The following MSANTD1 variants were observed in gnomAD, a reference collection of about 807,000 sequenced individuals.
MSANTD1 encodes the protein myb/SANT-like DNA-binding domain-containing protein 1.
MSANTD1 carries 7 observed loss-of-function variants against 24.2 expected under a neutral mutation model. That is an observed-to-expected ratio of 0.29 (90% CI 0.16 to 0.54). The LOEUF (loss-of-function observed/expected upper bound fraction) is 0.54. Among genes scored for constraint, MSANTD1 ranks in the 20% least tolerant of loss-of-function variants. The pLI, the probability that MSANTD1 is intolerant of heterozygous loss-of-function variation, is 0.94. For synonymous variants in MSANTD1, 177 were observed against 181.1 expected (o/e 0.98, Z 0.18); for missense variants, 384 against 408.2 (o/e 0.94, Z 0.51).
chr4:3,245,622 G>A (rs362294), upstream of MSANTD1, among the ~76,000 whole-genome samples: 4,054 of 152,346 alleles, frequency 0.027, 176 homozygotes, highest in African/African-American at 0.085. Flanking sequence ...CACCGTGACA[G>A]TGTCTGTGGG....
At chr4:3,246,624 A>C, upstream of MSANTD1, 4 of 692,522 alleles carry the variant, frequency 5.8e-6, no homozygotes, top group Non-Finnish European at 1.1e-5. Flanking sequence ...GCCCTAGGAG[A>C]CCCCGTAGCG....
At chr4:3,246,614 G>A, upstream of MSANTD1, 1 of 689,410 alleles carries the variant, frequency 1.5e-6, no homozygotes, top group East Asian at 2.8e-5. Context: ...CCAGCCTCTG[G>A]CCCTAGGAGA....
At chr4:3,248,008 G>A (rs1722083985), upstream of MSANTD1, 1 of 152,354 alleles carries the variant, frequency 6.6e-6, no homozygotes, top group East Asian at 1.9e-4. Flanking sequence ...CAGGCCTGAG[G>A]AGGGCAGGGG....
chr4:3,248,827 C>A, upstream of MSANTD1: 1 of 175,306 alleles, frequency 5.7e-6, no homozygotes, highest in Non-Finnish European at 1.2e-5. Context: ...CCTCGTCGCT[C>A]GTCCTCTCTG....
At chr4:3,246,765 C>G (rs552608588), upstream of MSANTD1, 1 of 636,444 alleles carries the variant, frequency 1.6e-6, no homozygotes, top group African/African-American at 1.8e-5. Context: ...CTGCCTGGTT[C>G]TTGTCCTCAC....
chr4:3,253,706 G>A (rs983472969), intron 2 of MSANTD1, among the ~76,000 whole-genome samples: 6 of 152,188 alleles, frequency 3.9e-5, no homozygotes, highest in African/African-American at 1.2e-4. Flanking sequence ...TGAGCTGCAC[G>A]GAAAGTTCCT....
upstream of MSANTD1, chr4:3,248,142 T>C (rs1348625456): frequency 6.6e-6 from 1 of 152,302 alleles, no homozygotes; most frequent in Non-Finnish European, 1.5e-5. Context: ...GTGTTACGTT[T>C]CGGGTGCCGA....
At chr4:3,249,614 T>G (rs943555096) in intron 1 of MSANTD1, 72 bp downstream of exon 1, 4 of 1,425,518 alleles carry the variant, frequency 2.8e-6, no homozygotes, top group Non-Finnish European at 3.8e-6. Flanking sequence ...CCTGACTTTC[T>G]TGGAGCTCTG....
At position 3,255,872 on chromosome 4, in the gene MSANTD1, G is replaced by T; in HGVS notation, c.744G>T (p.Leu248=). Residue 248 remains leucine, a synonymous_variant, in exon 3 of 3, where the codon CTG becomes CTT. Transcript: ENST00000438480. ...EETCREVRRV[L]DQQHILQVQS... ...CCTGCCGCGAGGTGCGCCGCGTGCTGGACCAGCAGCACATCCTGCAGGTGC... is the reference window on the plus strand; with the variant it reads ...CCTGCCGCGAGGTGCGCCGCGTGCTTGACCAGCAGCACATCCTGCAGGTGC... 1 of 1,545,460 alleles carries T rather than the reference G, an allele frequency of 6.5e-7. No homozygotes were observed. The highest frequency in any genetic ancestry group is 8.7e-7 in the Non-Finnish European group (1 of 1,146,352).
At chr4:3,253,860 G>A (rs1722307380) in intron 2 of MSANTD1, among the ~76,000 whole-genome samples, 1 of 152,234 alleles carries the variant, frequency 6.6e-6, no homozygotes, top group South Asian at 2.1e-4. Context: ...ACCCCAGAAT[G>A]CGCCCCCTGG....
At position 3,249,269 on chromosome 4, in the gene MSANTD1, A is replaced by AC. The variant is rs1318373530; in HGVS notation, c.51dup (p.Thr18HisfsTer98). On this transcript the variant is annotated frameshift_variant, in exon 1 of 3. Transcript: ENST00000438480. LOFTEE classifies it high-confidence loss of function. ...GGGCCCTCGCTGAGCGCGCTCTCTC[A>AC]CCCCACAGGCGCCTCCGGCATGGCG... is the stretch of plus-strand genomic sequence containing the variant. 1 of 1,499,458 alleles carries AC rather than the reference A, an allele frequency of 6.7e-7. No individual in the cohort carries two copies. Among genetic ancestry groups the AC allele is most frequent in the East Asian group, 2.5e-5 (1 of 40,270 alleles). The allele number at this position is 1,499,458 out of a possible 1,614,324, so 92.9% of individuals were successfully genotyped here.
upstream of MSANTD1, chr4:3,246,483 G>A: frequency 5.9e-6 from 3 of 506,504 alleles, no homozygotes; most frequent in Non-Finnish European, 1.1e-5. Context: ...AGGGATGGAG[G>A]CCTAGGGAGC....
upstream of MSANTD1, among the ~76,000 whole-genome samples, chr4:3,247,062 C>T (rs1259974173): frequency 6.6e-6 from 1 of 152,114 alleles, no homozygotes; most frequent in African/African-American, 2.4e-5. Flanking sequence ...CAGCAGCTGC[C>T]CCTTCAGCCA....
rs1191129740 is a variant in MSANTD1, at chr4:3,255,736, G to A, written c.608G>A (p.Arg203Gln). The change falls in exon 3 of 3, where the codon CGG (arginine) becomes CAG (glutamine). Residue 203 changes from arginine to glutamine, a missense_variant. Arg to Gln is a conservative substitution (Grantham distance 43, BLOSUM62 1). Transcript: ENST00000438480. ...CACTGTCCTTCCAGGTCGGAGGAGC[G>A]GCCGGTGAAGAAGCGCAAGGTGCAG... ...LLSLKFRSEE[R>Q]PVKKRKVQSC... 36 of 1,541,390 alleles carry A rather than the reference G, an allele frequency of 2.3e-5. 1 individual carries two copies. The highest frequency in any genetic ancestry group is 2.7e-5 in the Non-Finnish European group (31 of 1,143,576).
chr4:3,252,099 G>A lies in MSANTD1; in HGVS notation c.321-1108G>A, dbSNP rs144098099. Reference sequence around the variant, plus strand: ...GTAGGAGAGAGGAGACACCCACTCCGAGCACAGGTTGGGTTTGGAGCCCGG... The same window carrying A: ...GTAGGAGAGAGGAGACACCCACTCCAAGCACAGGTTGGGTTTGGAGCCCGG... On this transcript the variant is annotated intron_variant, in intron 1 of 2. Transcript: ENST00000438480. Among the ~76,000 whole-genome samples the A allele has an allele frequency of 1.4e-3, 214 of 152,360 alleles. 1 individual carries two copies. The highest frequency in any genetic ancestry group is 5.0e-3 in the African/African-American group (206 of 41,586).
rs973041298 is a variant in MSANTD1, at chr4:3,256,047, G to C, written c.*82G>C. ...CCAGGGCAGGCCACTCAGGCCAGGC[G>C]GGCAAGGGGGCCGCCCCGCGAGCGG... is the stretch of plus-strand genomic sequence containing the variant. On this transcript the variant is annotated 3_prime_UTR_variant, in exon 3 of 3. Coordinates refer to ENST00000438480, the MANE Select transcript of MSANTD1 (RefSeq NM_001042690.2). 7.2e-7 allele frequency: 1 copy of C among 1,394,096 alleles called. No individual in the cohort carries two copies. The highest frequency in any genetic ancestry group is 2.8e-5 in the East Asian group (1 of 35,710). The allele number at this position is 1,394,096 out of a possible 1,614,324, so 86.4% of individuals were successfully genotyped here.
chr4:3,246,445 C>G (rs919720828), upstream of MSANTD1: 2 of 432,086 alleles, frequency 4.6e-6, no homozygotes, highest in African/African-American at 4.1e-5. Context: ...GGATGAGAGT[C>G]TAGTTGGGCC....
At chr4:3,253,125 G>C (rs1006405189) in intron 1 of MSANTD1, 82 bp from the exon 2 acceptor site, 3 of 1,374,998 alleles carry the variant, frequency 2.2e-6, no homozygotes, top group Admixed American at 5.6e-5. Flanking sequence ...CCGGCGTGGC[G>C]CGCCCCTCTG....
intron 2 of MSANTD1, among the ~76,000 whole-genome samples, chr4:3,254,536 A>G (rs1009332717): frequency 2.6e-5 from 4 of 152,134 alleles, no homozygotes; most frequent in African/African-American, 9.7e-5. Flanking sequence ...CACGCCCCTG[A>G]GGTTGGCTGT....
Sources: gnomAD v4.1 joint callset for allele counts (sites outside exome capture counted in the v4.1 genomes callset) on GRCh38, gnomAD v4.1.1 for gene constraint, MANE v1.5 for transcripts, NCBI Gene and HGNC (gene_info 2026-07-23, HGNC 2026-07-21) for gene names.